Variants in NUAK2 observed in about 807,000 individuals in gnomAD.
NUAK2 encodes the protein NUAK family SNF1-like kinase 2.
NUAK2 carries 20 observed loss-of-function variants against 29.8 expected under a neutral mutation model. That is an observed-to-expected ratio of 0.67 (90% CI 0.47 to 0.98). NUAK2 has a LOEUF of 0.98. Ranked by LOEUF, NUAK2 falls within the 50% of genes least tolerant of loss-of-function variation. The pLI, the probability that NUAK2 is intolerant of heterozygous loss-of-function variation, is 0.00. For synonymous variants in NUAK2, 331 were observed against 342.6 expected (o/e 0.97, Z 0.37); for missense variants, 719 against 834.5 (o/e 0.86, Z 1.71).
rs1401371364 is a variant in NUAK2, at chr1:205,304,256, C to G, written c.1081G>C (p.Gly361Arg). 1 of 1,614,120 alleles carries G rather than the reference C, an allele frequency of 6.2e-7. No homozygotes were observed. Reference protein sequence around the residue: ...CSFFKQHAPGGGSTTPGLERQ... With the variant: ...CSFFKQHAPGRGSTTPGLERQ... ...TCCAGGCCAGGGGTGGTGCTTCCCC[C>G]ACCAGGTGCATGCTGCTTGAAGAAG... Residue 361 changes from glycine to arginine, a missense_variant, in exon 7 of 7, where the codon GGG becomes CGG. By Grantham distance (125) the Gly-to-Arg change is moderately radical. Around this residue, in one of 3 missense-constraint regions of NUAK2, gnomAD observed 430 missense variants for 465.7 expected, o/e 0.92. Coordinates refer to ENST00000367157, the MANE Select transcript of NUAK2 (RefSeq NM_030952.3). This position sits in a 1 kb window ranked among gnomAD's most constrained non-coding sequence, Gnocchi z 6.5.
intron 4 of NUAK2, 33 bp from the exon 5 acceptor site, chr1:205,306,340 A>C: frequency 6.3e-7 from 1 of 1,589,466 alleles, no homozygotes. Flanking sequence ...GGCACAGGTC[A>C]TGTCAAGGCC....
chr1:205,303,759 T>A lies in NUAK2; in HGVS notation c.1578A>T (p.Glu526Asp). ...AAPTTFGSLD[E>D]LAPPRPLARA... ...GGGCCAGGGGGCGAGGTGGGGCGAG[T>A]TCATCCAGGGAGCCGAAGGTGGTGG... The change falls in exon 7 of 7, where the codon GAA becomes GAT. Residue 526 changes from glutamate to aspartate, a missense_variant. Glu to Asp is a conservative substitution (Grantham distance 45). Coordinates refer to ENST00000367157, the MANE Select transcript of NUAK2 (RefSeq NM_030952.3). 1.3e-6 allele frequency: 2 copies of A among 1,539,214 alleles called. No homozygotes were observed. The highest frequency in any genetic ancestry group is 1.7e-6 in the Non-Finnish European group (2 of 1,143,322).
chr1:205,314,848 G>C (rs1366128079), intron 1 of NUAK2, among the ~76,000 whole-genome samples: 2 of 152,100 alleles, frequency 1.3e-5, no homozygotes, highest in Non-Finnish European at 2.9e-5. Context: ...AATCATCATA[G>C]GCTTAGGGGG....
At chr1:205,309,385 G>A (rs554747454) in intron 2 of NUAK2, among the ~76,000 whole-genome samples, 30 of 152,278 alleles carry the variant, frequency 2.0e-4, no homozygotes, top group African/African-American at 7.2e-4. Context: ...GGAGTGCAGT[G>A]GCGTGGTCTC....
Position 205,321,711 on chromosome 1 carries a change from C to T in NUAK2, c.-83G>A. 2 of 1,143,244 alleles carry T rather than the reference C, an allele frequency of 1.7e-6. No homozygotes were observed. Among genetic ancestry groups the T allele is most frequent in the Non-Finnish European group, 2.5e-6 (2 of 800,592 alleles). The allele number at this position is 1,143,244 out of a possible 1,614,324, so 70.8% of individuals were successfully genotyped here. On this transcript the variant is annotated 5_prime_UTR_variant, in exon 1 of 7. In the 5' UTR this introduces an upstream ATG that the reference lacks. Transcript: ENST00000367157. ...TGAAGCGCGGGGCACAGGTCCCGCACCAGGACGGGGAGCCACAGCAGTACC... is the reference window on the plus strand; with the variant it reads ...TGAAGCGCGGGGCACAGGTCCCGCATCAGGACGGGGAGCCACAGCAGTACC...
In NUAK2 at chr1:205,304,132, C is replaced by T; in HGVS notation, c.1205G>A (p.Ser402Asn). ...ADDTAHRPGK[S>N]NLKLPKGILK... ...AATGCCCTTTGGCAGCTTGAGGTTG[C>T]TCTTGCCAGGGCGATGGGCAGTGTC... Residue 402 changes from serine to asparagine, a missense_variant, in exon 7 of 7, where the codon AGC becomes AAC. Physicochemically the swap from Ser to Asn is conservative, Grantham distance 46 (BLOSUM62 1). This residue lies in a region of NUAK2 where 430 missense variants were observed against 465.7 expected (regional missense o/e 0.92). Transcript: ENST00000367157. This position sits in a 1 kb window ranked among gnomAD's most constrained non-coding sequence, Gnocchi z 6.5. 6.2e-7 allele frequency: 1 copy of T among 1,614,184 alleles called. No homozygotes were observed. Among genetic ancestry groups the T allele is most frequent in the Non-Finnish European group, 8.5e-7 (1 of 1,180,024 alleles).
chr1:205,306,067 G>T, intron 5 of NUAK2, 121 bp downstream of exon 5: 1 of 1,363,032 alleles, frequency 7.3e-7, no homozygotes, highest in Non-Finnish European at 1.0e-6. Flanking sequence ...CTACTTTTTG[G>T]GAGGCTTGAG....
intron 4 of NUAK2, 59 bp from the exon 5 acceptor site, chr1:205,306,366 C>A: frequency 6.4e-7 from 1 of 1,555,836 alleles, no homozygotes; most frequent in African/African-American, 1.4e-5. Flanking sequence ...TTTTCTGCAG[C>A]TCTTGGCCCG....
rs1398604679 is a variant in NUAK2 at position 205,302,703 on chromosome 1, C to T, written c.*747G>A. Reference sequence around the variant, plus strand: ...GGTCGGGAGTTTGAGACCAGCCTGACCAACATGGAGAAACCCTGTCTCTAC... The same window carrying T: ...GGTCGGGAGTTTGAGACCAGCCTGATCAACATGGAGAAACCCTGTCTCTAC... On this transcript the variant is annotated 3_prime_UTR_variant, in exon 7 of 7. Coordinates refer to ENST00000367157, the MANE Select transcript of NUAK2 (RefSeq NM_030952.3). The T allele has an allele frequency of 3.9e-5, 6 of 151,996 alleles. No individual in the cohort carries two copies. The highest frequency in any genetic ancestry group is 1.5e-4 in the African/African-American group (6 of 41,334). The allele number at this position is 151,996 out of a possible 1,614,324, so 9.4% of individuals were successfully genotyped here. A position where few individuals can be genotyped will look rare whatever the true frequency, so the allele number is the denominator to read the frequency against.
chr1:205,304,592 CCTTTTGAGCTATGACA>C lies in NUAK2; in HGVS notation c.824-95_824-80del. 8.3e-7 allele frequency: 1 copy of C among 1,209,072 alleles called. No homozygotes were observed. Among genetic ancestry groups the C allele is most frequent in the Non-Finnish European group, 1.1e-6 (1 of 880,364 alleles). The allele number at this position is 1,209,072 out of a possible 1,614,324, so 74.9% of individuals were successfully genotyped here. A position where few individuals can be genotyped will look rare whatever the true frequency, so the allele number is the denominator to read the frequency against. On this transcript the variant is annotated intron_variant, in intron 6 of 6. Coordinates refer to ENST00000367157, the MANE Select transcript of NUAK2 (RefSeq NM_030952.3). This position sits in a 1 kb window ranked among gnomAD's most constrained non-coding sequence, Gnocchi z 6.5. Reference sequence around the variant, plus strand: ...CCTGTCCCCTGTCCCCAGCTCATCCCCTTTTGAGCTATGACACTGCATACTCCTGGGTCGGATGCGT... The same window carrying C: ...CCTGTCCCCTGTCCCCAGCTCATCCCCTGCATACTCCTGGGTCGGATGCGT...
At position 205,306,316 on chromosome 1, in the gene NUAK2, T is replaced by C. The variant is rs781377490; in HGVS notation, c.571-9A>G. On this transcript the variant is annotated splice_polypyrimidine_tract_variant and intron_variant, in intron 4 of 6. Coordinates refer to ENST00000367157, the MANE Select transcript of NUAK2 (RefSeq NM_030952.3). ...AGACCGAAGTCAGCAATCTGCAGGA[T>C]TGAGTCAAACACGGGCACAGGTCAT... 3.7e-6 allele frequency: 6 copies of C among 1,608,964 alleles called. No individual in the cohort carries two copies. The highest frequency in any genetic ancestry group is 5.1e-6 in the Non-Finnish European group (6 of 1,177,726).
chr1:205,305,569 T>C, intron 5 of NUAK2: 1 of 947,306 alleles, frequency 1.1e-6, no homozygotes, highest in African/African-American at 1.8e-5. Flanking sequence ...GGGGTGGTTG[T>C]GACAGATATC....
chr1:205,313,516 C>T (rs1342305105), intron 1 of NUAK2, among the ~76,000 whole-genome samples: 1 of 152,224 alleles, frequency 6.6e-6, no homozygotes, highest in Admixed American at 6.5e-5. Flanking sequence ...CGGTCCCTCT[C>T]TGCTCCACCC....
chr1:205,321,364 C>G, intron 1 of NUAK2, 34 bp downstream of exon 1: 1 of 1,571,474 alleles, frequency 6.4e-7, no homozygotes, highest in Non-Finnish European at 8.6e-7. Context: ...CAAGCCGGAG[C>G]CCGCCCCGCG....
intron 2 of NUAK2, among the ~76,000 whole-genome samples, chr1:205,310,948 C>T (rs552936498): frequency 6.6e-6 from 1 of 152,334 alleles, no homozygotes; most frequent in Admixed American, 6.5e-5. Context: ...AATATACAGA[C>T]AAAGGGCAGA....
In NUAK2 at chr1:205,306,483, C is replaced by G. The variant is rs529540614; in HGVS notation, c.571-176G>C. ...CAGCATAGCTCAGGCCCTGGAAGAA[C>G]GAACCCTGAGGAGCTGTGTCAATAA... is the stretch of plus-strand genomic sequence containing the variant. On this transcript the variant is annotated intron_variant, in intron 4 of 6. Coordinates refer to ENST00000367157, the MANE Select transcript of NUAK2 (RefSeq NM_030952.3). Among the ~76,000 whole-genome samples, 5 of 152,286 alleles carry G rather than the reference C, an allele frequency of 3.3e-5. No individual in the cohort carries two copies. The East Asian group carries it at 9.6e-4, about 29-fold the overall frequency.
At chr1:205,307,680 A>G (rs1350225010) in intron 4 of NUAK2, among the ~76,000 whole-genome samples, 1 of 152,264 alleles carries the variant, frequency 6.6e-6, no homozygotes, top group Non-Finnish European at 1.5e-5. Context: ...TAGCAGCTGC[A>G]GAAAGCAGGA....
At chr1:205,318,196 T>C (rs79465458) in intron 1 of NUAK2, among the ~76,000 whole-genome samples, 17,346 of 152,168 alleles carry the variant, frequency 0.11, 1,103 homozygotes, top group Non-Finnish European at 0.15. Flanking sequence ...CCCAGGAATA[T>C]AGTGTAGTTC....
chr1:205,319,718 C>G lies in NUAK2; in HGVS notation c.231+1680G>C, dbSNP rs1662380108. On this transcript the variant is annotated intron_variant, in intron 1 of 6. Coordinates refer to ENST00000367157, the MANE Select transcript of NUAK2 (RefSeq NM_030952.3). Reference sequence around the variant, plus strand: ...TACATGATTGCCCAATAGCTGTAACCTGGCAGCAGGCAACTGGGGACTGTG... The same window carrying G: ...TACATGATTGCCCAATAGCTGTAACGTGGCAGCAGGCAACTGGGGACTGTG... Among the ~76,000 whole-genome samples the G allele has an allele frequency of 2.0e-5, 3 of 152,214 alleles. No individual in the cohort carries two copies. In the South Asian group the frequency reaches 6.2e-4, roughly 32 times the overall value.
Sources: gnomAD v4.1 joint callset for allele counts (sites outside exome capture counted in the v4.1 genomes callset) on GRCh38, gnomAD v4.1.1 for gene constraint, gnomAD v4.1.1 regional missense constraint, Gnocchi (gnomAD v3.1) non-coding constraint, MANE v1.5 for transcripts, NCBI Gene and HGNC (gene_info 2026-07-23, HGNC 2026-07-21) for gene names.